The following NCAPG2 variants were observed in gnomAD, a reference collection of about 807,000 sequenced individuals.
The protein encoded by NCAPG2 is non-SMC condensin II complex subunit G2.
NCAPG2 carries 53 observed loss-of-function variants against 141.1 expected under a neutral mutation model. That is an observed-to-expected ratio of 0.38 (90% CI 0.30 to 0.47). The LOEUF (loss-of-function observed/expected upper bound fraction) is 0.47. Ranked by LOEUF, NCAPG2 falls within the 20% of genes least tolerant of loss-of-function variation. The probability of loss-of-function intolerance (pLI) is 0.99; values close to 1 mark genes in which losing one functional copy is unlikely to be tolerated. For missense variants in NCAPG2, 1,087 were observed against 1,389.0 expected, an observed-to-expected ratio of 0.78 and a Z score of 3.46; for synonymous variants, 499 against 490.7, an observed-to-expected ratio of 1.02 and a Z score of -0.22.
chr7:158,655,742 G>GCCCTGCACGCAGCACCACCCGTCCCCTC (rs1405727341), intron 19 of NCAPG2, among the ~76,000 whole-genome samples: 308 of 151,542 alleles, frequency 2.0e-3, no homozygotes, highest in Middle Eastern at 6.8e-3. Context: ...CTCCCCATCT[G>GCCCTGCACGCAGCACCACCCGTCCCCTC]CCTGGCTCCA....
intron 16 of NCAPG2, among the ~76,000 whole-genome samples, chr7:158,661,959 C>A (rs1399241401): frequency 6.6e-6 from 1 of 152,138 alleles, no homozygotes. Context: ...CATGTGCTTA[C>A]CCAAGACGTT....
intron 8 of NCAPG2, among the ~76,000 whole-genome samples, chr7:158,684,802 C>G (rs1320131451): frequency 6.6e-6 from 1 of 152,254 alleles, no homozygotes; most frequent in Non-Finnish European, 1.5e-5. Flanking sequence ...ATCCACCCTC[C>G]TCGGCCTCCC....
intron 27 of NCAPG2, among the ~76,000 whole-genome samples, chr7:158,643,638 T>C (rs1187749234): frequency 1.3e-5 from 2 of 152,260 alleles, no homozygotes; most frequent in Non-Finnish European, 2.9e-5. Flanking sequence ...GAGTGGTTTG[T>C]TTCCCTGGCA....
intron 22 of NCAPG2, among the ~76,000 whole-genome samples, 168 bp downstream of exon 22, chr7:158,654,427 C>T (rs886125790): frequency 1.3e-5 from 2 of 152,204 alleles, no homozygotes; most frequent in African/African-American, 4.8e-5. Flanking sequence ...ACAGAAACAC[C>T]TCTTAATTTC....
At chr7:158,667,113 T>G in intron 13 of NCAPG2, 2 of 982,124 alleles carry the variant, frequency 2.0e-6, no homozygotes, top group South Asian at 9.4e-5. Flanking sequence ...CAAGGGAAAT[T>G]AGCTTGCATG....
intron 27 of NCAPG2, among the ~76,000 whole-genome samples, chr7:158,636,889 C>T (rs924644074): frequency 6.6e-5 from 10 of 152,162 alleles, no homozygotes; most frequent in Admixed American, 2.0e-4. Flanking sequence ...ATCCCCAAAT[C>T]AGACCACTGC....
In NCAPG2 at chr7:158,672,051, G is replaced by A. The variant is rs75457151; in HGVS notation, c.1327-385C>T. Among the ~76,000 whole-genome samples, 135 of 151,974 alleles carry A rather than the reference G, an allele frequency of 8.9e-4. No individual in the cohort carries two copies. In the East Asian group the frequency reaches 0.022, roughly 24 times the overall value. ...CCAAGAACTCTGCATTTCCTGACTC[G>A]ATACTGCATGAGGATTGGAGGGAAC... On this transcript the variant is annotated intron_variant, in intron 12 of 27. Transcript: ENST00000356309.
In NCAPG2 at chr7:158,691,295, A is replaced by G. The variant is rs149272242; in HGVS notation, c.383-573T>C. On this transcript the variant is annotated intron_variant, in intron 4 of 27. Transcript: ENST00000356309. ...CTGAATGTCATTACACTAATATAAC[A>G]TTCCTGAATTAACTGGGAAGTTGAT... is the stretch of plus-strand genomic sequence containing the variant. 1.6e-4 allele frequency among the ~76,000 whole-genome samples: 24 copies of G among 152,350 alleles called. 1 individual carries two copies. The highest frequency in any genetic ancestry group is 5.3e-4 in the African/African-American group (22 of 41,584).
At chr7:158,680,166 A>G in intron 10 of NCAPG2, 81 bp from the exon 11 acceptor site, 1 of 1,393,798 alleles carries the variant, frequency 7.2e-7, no homozygotes, top group Non-Finnish European at 9.8e-7. Context: ...CCAAAGTAAC[A>G]CTTTAATTAT....
intron 6 of NCAPG2, 138 bp downstream of exon 6, chr7:158,689,681 G>C: frequency 4.4e-6 from 3 of 677,386 alleles, no homozygotes; most frequent in Non-Finnish European, 6.6e-6. Context: ...CTGCCATGCA[G>C]TAAAAATCAT....
chr7:158,634,513 G>C (rs1305791886), intron 27 of NCAPG2, among the ~76,000 whole-genome samples: 2 of 152,142 alleles, frequency 1.3e-5, no homozygotes, highest in African/African-American at 4.8e-5. Flanking sequence ...TGGTTGGTTG[G>C]ATTTACGAAC....
chr7:158,655,748 C>CACCACCCG, intron 19 of NCAPG2, among the ~76,000 whole-genome samples: 1 of 152,048 alleles, frequency 6.6e-6, no homozygotes. Flanking sequence ...ATCTGCCTGG[C>CACCACCCG]TCCACTCTGC....
intron 4 of NCAPG2, 91 bp downstream of exon 4, chr7:158,692,751 A>T: frequency 2.2e-6 from 2 of 929,578 alleles, no homozygotes; most frequent in East Asian, 2.5e-5. Flanking sequence ...CAAAAAAAAT[A>T]AATAAATGAA....
intron 27 of NCAPG2, among the ~76,000 whole-genome samples, chr7:158,643,058 G>A (rs1830754412): frequency 6.6e-6 from 1 of 152,110 alleles, no homozygotes; most frequent in African/African-American, 2.4e-5. Context: ...CACCTCCCAG[G>A]TTCAAGCAAT....
chr7:158,679,814 G>A, intron 11 of NCAPG2, 146 bp downstream of exon 11: 3 of 1,074,318 alleles, frequency 2.8e-6, no homozygotes, highest in Admixed American at 2.5e-5. Flanking sequence ...GCATCTCTCT[G>A]AAGAACAGTC....
In NCAPG2 at chr7:158,667,319, GT is replaced by G; in HGVS notation, c.1480-2570del. The G allele has an allele frequency of 1.1e-4, 10 of 93,572 alleles. 1 individual carries two copies. Among genetic ancestry groups the G allele is most frequent in the Non-Finnish European group, 1.3e-4 (10 of 76,846 alleles). The allele number at this position is 93,572 out of a possible 1,614,324, so 5.8% of individuals were successfully genotyped here. A position where few individuals can be genotyped will look rare whatever the true frequency, so the allele number is the denominator to read the frequency against. On this transcript the variant is annotated intron_variant, in intron 13 of 27. Transcript: ENST00000356309. ...CCCTCCTCCACCCTTAGCCGCTACT[GT>G]GTCCCTCCGCTACTGTGTCCCTCCG...
chr7:158,640,062 A>G (rs1031532086), intron 27 of NCAPG2: 1 of 156,036 alleles, frequency 6.4e-6, no homozygotes, highest in Non-Finnish European at 1.4e-5. Flanking sequence ...CAAAAAAAAA[A>G]AAAAAAAAGA....
At chr7:158,679,253 C>T (rs1834295771) in intron 11 of NCAPG2, among the ~76,000 whole-genome samples, 1 of 152,198 alleles carries the variant, frequency 6.6e-6, no homozygotes, top group African/African-American at 2.4e-5. Context: ...CAGGCAACAG[C>T]ATTACAACAG....
rs756972543 is a variant in NCAPG2 at position 158,689,803 on chromosome 7, A to G, written c.672+16T>C. 6.4e-7 allele frequency: 1 copy of G among 1,558,982 alleles called. No homozygotes were observed. Among genetic ancestry groups the G allele is most frequent in the East Asian group, 2.3e-5 (1 of 44,042 alleles). ...AAGCAGCTCACAAACAGATCAAAAA[A>G]CAAATACCTATTTACCTCTTCTTTC... On this transcript the variant is annotated intron_variant, in intron 6 of 27. Coordinates refer to ENST00000356309, the MANE Select transcript of NCAPG2 (RefSeq NM_017760.7).
Sources: gnomAD v4.1 joint callset for allele counts (sites outside exome capture counted in the v4.1 genomes callset) on GRCh38, gnomAD v4.1.1 for gene constraint, MANE v1.5 for transcripts, NCBI Gene and HGNC (gene_info 2026-07-23, HGNC 2026-07-21) for gene names.